The following PGBD5 variants were observed in gnomAD, a reference collection of about 807,000 sequenced individuals.
PGBD5 encodes piggyBac transposable element-derived protein 5.
In PGBD5, 14 loss-of-function variants were observed where a neutral mutation model predicts 47.9. That is an observed-to-expected ratio of 0.29 (90% CI 0.19 to 0.46). The LOEUF is 0.46. Ranked by LOEUF, PGBD5 falls within the 20% of genes least tolerant of loss-of-function variation. The pLI is 1.00. For missense variants in PGBD5, 635 were observed against 716.0 expected, an observed-to-expected ratio of 0.89 and a Z score of 1.29; for synonymous variants, 316 against 306.3, an observed-to-expected ratio of 1.03 and a Z score of -0.33.
chr1:230,413,448 C>A (rs762442547), intron 1 of PGBD5, among the ~76,000 whole-genome samples: 1 of 152,018 alleles, frequency 6.6e-6, no homozygotes, highest in South Asian at 2.1e-4. Flanking sequence ...TGCAGTGAGC[C>A]GTGATCGCAT....
chr1:230,337,021 A>G, intron 4 of PGBD5, 87 bp downstream of exon 4: 1 of 1,448,636 alleles, frequency 6.9e-7, no homozygotes, highest in East Asian at 2.3e-5. Flanking sequence ...GGTGGCCACC[A>G]CGTATCTGCA....
At chr1:230,333,104 G>A (rs919224610) in intron 4 of PGBD5, 63 bp from the exon 5 acceptor site, 88 of 1,506,890 alleles carry the variant, frequency 5.8e-5, no homozygotes, top group Non-Finnish European at 7.7e-5. Context: ...CGGCTCCTCC[G>A]CCCTGGGCAC....
intron 1 of PGBD5, among the ~76,000 whole-genome samples, chr1:230,422,061 G>A (rs995107680): frequency 6.6e-6 from 1 of 152,084 alleles, no homozygotes; most frequent in African/African-American, 2.4e-5. Flanking sequence ...TGAATGATTA[G>A]AGGGTTGCTG....
At chr1:230,377,791 G>A in intron 1 of PGBD5, 1 of 1,178,214 alleles carries the variant, frequency 8.5e-7, no homozygotes, top group Admixed American at 3.7e-5. Flanking sequence ...CATACATTTG[G>A]GATAAGCACT....
intron 1 of PGBD5, chr1:230,362,303 G>C (rs772036729): frequency 2.0e-5 from 27 of 1,367,662 alleles, no homozygotes; most frequent in Non-Finnish European, 2.5e-5. Context: ...TTCCCCACGG[G>C]TGTGCAGGGC....
chr1:230,327,549 A>C lies in PGBD5; in HGVS notation c.1274-2134T>G, dbSNP rs117175932. 4.3e-3 allele frequency among the ~76,000 whole-genome samples: 662 copies of C among 152,346 alleles called. 8 individuals carry two copies. In the East Asian group the frequency reaches 0.052, roughly 12 times the overall value. ...GACCGGGGAAGGGGCCCTGGCAATG[A>C]GTTTCCTAAAGCTATCCAAGGGCCA... On this transcript the variant is annotated intron_variant, in intron 5 of 6. Transcript: ENST00000391860.
intron 1 of PGBD5, among the ~76,000 whole-genome samples, chr1:230,423,632 T>G (rs1354213440): frequency 2.6e-5 from 4 of 152,196 alleles, no homozygotes; most frequent in Non-Finnish European, 5.9e-5. Context: ...TAACAAGCCA[T>G]CAACCTCATC....
At chr1:230,365,308 A>T (rs1667809896) in intron 1 of PGBD5, among the ~76,000 whole-genome samples, 1 of 129,200 alleles carries the variant, frequency 7.7e-6, no homozygotes. Flanking sequence ...AAGAGACTCC[A>T]TCTCAAAAAA....
chr1:230,374,740 A>G (rs1003944920), intron 1 of PGBD5, among the ~76,000 whole-genome samples: 2 of 152,236 alleles, frequency 1.3e-5, no homozygotes, highest in Non-Finnish European at 2.9e-5. Context: ...TTTTCCAGGT[A>G]AAGGGCCAGT....
At chr1:230,332,052 C>CACACACACCATACCCAT (rs1558191335) in intron 5 of PGBD5, among the ~76,000 whole-genome samples, 2 of 142,466 alleles carry the variant, frequency 1.4e-5, no homozygotes, top group Non-Finnish European at 1.5e-5. Flanking sequence ...ACAGCACACA[C>CACACACACCATACCCAT]AACATGCCAG....
chr1:230,378,335 T>A (rs1668046253), intron 1 of PGBD5, among the ~76,000 whole-genome samples: 1 of 152,198 alleles, frequency 6.6e-6, no homozygotes, highest in South Asian at 2.1e-4. Context: ...TGCTGTCAAG[T>A]TAATGCTGAG....
At chr1:230,410,203 A>G (rs1481271420) in intron 1 of PGBD5, among the ~76,000 whole-genome samples, 1 of 152,156 alleles carries the variant, frequency 6.6e-6, no homozygotes, top group Non-Finnish European at 1.5e-5. Context: ...ATGGTTTTGG[A>G]AGAAATATAA....
intron 1 of PGBD5, among the ~76,000 whole-genome samples, chr1:230,367,002 G>A (rs575104227): frequency 6.6e-6 from 1 of 151,966 alleles, no homozygotes; most frequent in Non-Finnish European, 1.5e-5. Context: ...GGGACCTGAC[G>A]AGGAGGAAGG....
intron 5 of PGBD5, among the ~76,000 whole-genome samples, chr1:230,327,013 C>T (rs929413528): frequency 1.3e-5 from 2 of 152,176 alleles, no homozygotes; most frequent in East Asian, 1.9e-4. Flanking sequence ...CTCCTTGCCC[C>T]GCTGCCAAGC....
intron 1 of PGBD5, among the ~76,000 whole-genome samples, chr1:230,397,041 AGG>A (rs1657002276): frequency 6.6e-6 from 1 of 152,092 alleles, no homozygotes; most frequent in Admixed American, 6.6e-5. Context: ...GTCACTGGAG[AGG>A]GAGTTCACCT....
intron 4 of PGBD5, among the ~76,000 whole-genome samples, chr1:230,335,734 G>C (rs1441875013): frequency 0.026 from 4 of 152 alleles, no homozygotes; most frequent in African/African-American, 0.036. Flanking sequence ...GACACACACA[G>C]ACTTACACAA....
At chr1:230,423,950 T>C (rs908897403) in intron 1 of PGBD5, among the ~76,000 whole-genome samples, 2 of 152,216 alleles carry the variant, frequency 1.3e-5, no homozygotes, top group African/African-American at 4.8e-5. Flanking sequence ...ATTTCTCCCA[T>C]TTCAAGGTTA....
chr1:230,411,480 G>C (rs1657408357), intron 1 of PGBD5, among the ~76,000 whole-genome samples: 1 of 152,170 alleles, frequency 6.6e-6, no homozygotes, highest in African/African-American at 2.4e-5. Context: ...TCATCAAACT[G>C]ATTCAGTAAG....
In PGBD5 at chr1:230,396,213, TCACATTCCTCCTTTTTACCCC is replaced by T. The variant is rs1558210711; in HGVS notation, c.331+29364_331+29384del. Among the ~76,000 whole-genome samples, 190 of 47,748 alleles carry T rather than the reference TCACATTCCTCCTTTTTACCCC, an allele frequency of 4.0e-3. 5 individuals carry two copies. In the Admixed American group the frequency reaches 0.042, roughly 10 times the overall value. The allele number at this position is 47,748 out of a possible 152,430, so 31.3% of individuals were successfully genotyped here. A position where few individuals can be genotyped will look rare whatever the true frequency, so the allele number is the denominator to read the frequency against. On this transcript the variant is annotated intron_variant, in intron 1 of 6. Transcript: ENST00000391860. ...TTACCCCCCCACTCTTCCCTTTTACTCACATTCCTCCTTTTTACCCCCACACTCCTCCCTTTTACCCCCACA... is the reference window on the plus strand; with the variant it reads ...TTACCCCCCCACTCTTCCCTTTTACTCACACTCCTCCCTTTTACCCCCACA...
Sources: allele counts gnomAD v4.1 joint callset (sites outside exome capture counted in the v4.1 genomes callset), GRCh38; gene constraint gnomAD v4.1.1; transcripts MANE v1.5; gene names NCBI Gene and HGNC (gene_info 2026-07-23, HGNC 2026-07-21).